The following ADCY2 variants were observed in gnomAD, a reference collection of about 807,000 sequenced individuals.
ADCY2 encodes adenylate cyclase type 2.
A neutral mutation model predicts 125.2 loss-of-function variants in ADCY2; 31 were observed. The observed-to-expected ratio is 0.25, with a 90% CI of 0.19 to 0.33. The LOEUF (loss-of-function observed/expected upper bound fraction) is 0.33. Among genes scored for constraint, ADCY2 ranks in the 10% least tolerant of loss-of-function variants. The probability of loss-of-function intolerance (pLI) is 1.00; values close to 1 mark genes in which losing one functional copy is unlikely to be tolerated. For missense variants in ADCY2, 904 were observed against 1,418.2 expected (o/e 0.64, Z 5.82); for synonymous variants, 512 against 548.4 (o/e 0.93, Z 0.93).
At chr5:7,779,716 C>G (rs1436307164) in intron 18 of ADCY2, among the ~76,000 whole-genome samples, 1 of 152,122 alleles carries the variant, frequency 6.6e-6, no homozygotes, top group Non-Finnish European at 1.5e-5. Flanking sequence ...GAACACAACT[C>G]TGAAAAAGCG....
intron 3 of ADCY2, among the ~76,000 whole-genome samples, chr5:7,592,835 A>G (rs906149772): frequency 6.6e-6 from 1 of 152,066 alleles, no homozygotes; most frequent in African/African-American, 2.4e-5. Flanking sequence ...ACTGTGTAGA[A>G]CATGAAGCAC....
At chr5:7,438,927 G>A (rs951891648) in intron 2 of ADCY2, among the ~76,000 whole-genome samples, 5 of 152,116 alleles carry the variant, frequency 3.3e-5, no homozygotes, top group South Asian at 2.1e-4. Context: ...GACACAGCAC[G>A]TTGAGCAGTG....
At chr5:7,653,102 C>T (rs1198333225) in intron 4 of ADCY2, among the ~76,000 whole-genome samples, 1 of 151,982 alleles carries the variant, frequency 6.6e-6, no homozygotes, top group East Asian at 1.9e-4. Context: ...ACAGGGAGGG[C>T]TGACATTTCA....
intron 18 of ADCY2, among the ~76,000 whole-genome samples, chr5:7,780,309 C>T (rs1281656894): frequency 6.6e-6 from 1 of 152,218 alleles, no homozygotes; most frequent in African/African-American, 2.4e-5. Context: ...GCTCAGTGAG[C>T]AGACTCGTCC....
At chr5:7,787,971 C>T (rs1439730908) in intron 19 of ADCY2, among the ~76,000 whole-genome samples, 1 of 152,024 alleles carries the variant, frequency 6.6e-6, no homozygotes, top group East Asian at 1.9e-4. Context: ...AAGTGTGCAC[C>T]TTTGTCTTCT....
At chr5:7,713,495 G>GAA (rs199666136) in intron 11 of ADCY2, among the ~76,000 whole-genome samples, 69 of 141,958 alleles carry the variant, frequency 4.9e-4, no homozygotes, top group South Asian at 6.7e-4. Context: ...CTGTGTCTCA[G>GAA]AAAAAAAAAA....
At chr5:7,648,307 A>G (rs1157225957) in intron 4 of ADCY2, among the ~76,000 whole-genome samples, 4 of 152,212 alleles carry the variant, frequency 2.6e-5, no homozygotes, top group Non-Finnish European at 5.9e-5. Context: ...TATTTTCAGT[A>G]ACTAAATACT....
intron 2 of ADCY2, among the ~76,000 whole-genome samples, chr5:7,446,077 G>A (rs563908071): frequency 6.6e-6 from 1 of 152,258 alleles, no homozygotes; most frequent in African/African-American, 2.4e-5. Flanking sequence ...AATCTCTCCA[G>A]TGTTTCCATA....
At chr5:7,513,517 T>C (rs1326840915) in intron 2 of ADCY2, among the ~76,000 whole-genome samples, 1 of 152,222 alleles carries the variant, frequency 6.6e-6, no homozygotes. Context: ...ATAAATGGTA[T>C]CAAAGTCATC....
Position 7,626,157 on chromosome 5 carries a change from G to T in ADCY2, c.571-10G>T. The T allele has an allele frequency of 6.2e-7, 1 of 1,608,218 alleles. No individual in the cohort carries two copies. The stretch of plus-strand genomic sequence containing the variant: ...GTTACCCTATTGAGCAGCTCTTTCT[G>T]TCTCTTTAGATCCTGGCCAATGTGA... On this transcript the variant is annotated splice_polypyrimidine_tract_variant and intron_variant, in intron 3 of 24. Coordinates refer to ENST00000338316, the MANE Select transcript of ADCY2 (RefSeq NM_020546.3).
chr5:7,451,675 A>G (rs1221896570), intron 2 of ADCY2, among the ~76,000 whole-genome samples: 1 of 152,242 alleles, frequency 6.6e-6, no homozygotes, highest in African/African-American at 2.4e-5. Context: ...AATTAGTATC[A>G]TATGCTACAA....
intron 4 of ADCY2, among the ~76,000 whole-genome samples, chr5:7,632,743 C>T (rs1738359659): frequency 6.6e-6 from 1 of 152,214 alleles, no homozygotes; most frequent in African/African-American, 2.4e-5. Flanking sequence ...TGTCATGCCT[C>T]ATTGAGAAGT....
At chr5:7,574,105 G>T (rs1736164920) in intron 3 of ADCY2, among the ~76,000 whole-genome samples, 1 of 113,286 alleles carries the variant, frequency 8.8e-6, no homozygotes, top group Admixed American at 8.8e-5. Context: ...ATTTTTTATG[G>T]CTGCATAGTA....
At chr5:7,686,399 GA>G (rs1740522854) in intron 4 of ADCY2, among the ~76,000 whole-genome samples, 1 of 152,160 alleles carries the variant, frequency 6.6e-6, no homozygotes, top group Non-Finnish European at 1.5e-5. Flanking sequence ...CAAGTTCTAA[GA>G]AAAATGTATT....
In ADCY2 at chr5:7,640,732, A is replaced by G. The variant is rs112086813; in HGVS notation, c.720+14416A>G. Reference sequence around the variant, plus strand: ...GGGAAGCCTAGAGCAGGTCAAATCAAGAATATCATTATGCAGAAAAATAGA... The same window carrying G: ...GGGAAGCCTAGAGCAGGTCAAATCAGGAATATCATTATGCAGAAAAATAGA... On this transcript the variant is annotated intron_variant, in intron 4 of 24. Transcript: ENST00000338316. Among the ~76,000 whole-genome samples, 51 of 152,274 alleles carry G rather than the reference A, an allele frequency of 3.3e-4. 1 individual carries two copies. Among genetic ancestry groups the G allele is most frequent in the African/African-American group, 1.2e-3 (51 of 41,566 alleles).
rs1743401100 is a variant in ADCY2 at position 7,766,922 on chromosome 5, C to T, written c.2214+116C>T. On this transcript the variant is annotated intron_variant, in intron 17 of 24. Transcript: ENST00000338316. Reference sequence around the variant, plus strand: ...AGACTTTGCATTTCCTCTCTGGTATCAATCCCTGAGTGGTTCTGAATTTAC... The same window carrying T: ...AGACTTTGCATTTCCTCTCTGGTATTAATCCCTGAGTGGTTCTGAATTTAC... 3 of 1,318,652 alleles carry T rather than the reference C, an allele frequency of 2.3e-6. No homozygotes were observed. The South Asian group carries it at 5.4e-5, about 24-fold the overall frequency. 81.7% of individuals were successfully genotyped at this position (1,318,652 alleles called of 1,614,324 possible). A position where few individuals can be genotyped will look rare whatever the true frequency, so the allele number is the denominator to read the frequency against.
chr5:7,687,249 T>A (rs1356446653), intron 4 of ADCY2, among the ~76,000 whole-genome samples: 1 of 152,246 alleles, frequency 6.6e-6, no homozygotes, highest in African/African-American at 2.4e-5. Context: ...TACATTTGGT[T>A]GTTAAATGAG....
chr5:7,624,535 G>A (rs1410650631), intron 3 of ADCY2, among the ~76,000 whole-genome samples: 2 of 152,082 alleles, frequency 1.3e-5, no homozygotes, highest in African/African-American at 2.4e-5. Flanking sequence ...GGGAGGATGG[G>A]GTAAGATGCA....
At chr5:7,401,081 C>T (rs1739245901) in intron 1 of ADCY2, among the ~76,000 whole-genome samples, 2 of 152,168 alleles carry the variant, frequency 1.3e-5, no homozygotes, top group African/African-American at 4.8e-5. Flanking sequence ...AATTGTTTAA[C>T]CTATGTCTCA....
Sources: allele counts gnomAD v4.1 joint callset (sites outside exome capture counted in the v4.1 genomes callset), GRCh38; gene constraint gnomAD v4.1.1; transcripts MANE v1.5; gene names NCBI Gene and HGNC (gene_info 2026-07-23, HGNC 2026-07-21).